The following KSR2 variants were observed in gnomAD, a reference collection of about 807,000 sequenced individuals.
KSR2 encodes the protein kinase suppressor of ras 2.
In KSR2, 25 loss-of-function variants were observed where a neutral mutation model predicts 107.8. That is an observed-to-expected ratio of 0.23 (90% confidence interval 0.17 to 0.32). KSR2 has a LOEUF of 0.32. KSR2 is among the 10% of genes least tolerant of loss of function. The probability of loss-of-function intolerance (pLI) is 1.00; values close to 1 mark genes in which losing one functional copy is unlikely to be tolerated. For synonymous variants in KSR2, 480 were observed against 507.0 expected (o/e 0.95, Z 0.71); for missense variants, 887 against 1,268.9 (o/e 0.70, Z 4.57).
chr12:117,840,803 C>T (rs1330655685), intron 3 of KSR2, among the ~76,000 whole-genome samples: 3 of 151,972 alleles, frequency 2.0e-5, no homozygotes, highest in Admixed American at 2.0e-4. Context: ...GAGTTTGAGA[C>T]CAACCTGGCC....
chr12:117,553,930 G>A (rs1047270446), intron 9 of KSR2, among the ~76,000 whole-genome samples: 1 of 151,400 alleles, frequency 6.6e-6, no homozygotes, highest in African/African-American at 2.4e-5. Flanking sequence ...TTTCCAACAT[G>A]AGTGGAAGCA....
intron 3 of KSR2, among the ~76,000 whole-genome samples, chr12:117,845,041 G>GAGGC: frequency 6.6e-6 from 1 of 152,306 alleles, no homozygotes. Flanking sequence ...AGCTACTTGG[G>GAGGC]AGGCTGAGGC....
Position 117,688,311 on chromosome 12 carries a change from C to T in KSR2, c.987-20653G>A, listed in dbSNP as rs372591155. Among the ~76,000 whole-genome samples the T allele has an allele frequency of 6.6e-5, 10 of 152,190 alleles. 1 individual carries two copies. In the East Asian group the frequency reaches 7.7e-4, roughly 12 times the overall value. On this transcript the variant is annotated intron_variant, in intron 4 of 19. Transcript: ENST00000339824. ...GGGAGAATCGCTTGAACCCGGGAGG[C>T]GGAGGTTGCAGTGAGCCATCACGCC...
At chr12:117,641,229 TG>T (rs1401572862) in intron 5 of KSR2, among the ~76,000 whole-genome samples, 1 of 152,182 alleles carries the variant, frequency 6.6e-6, no homozygotes, top group African/African-American at 2.4e-5. Flanking sequence ...CCCAAGTAGC[TG>T]GGATTACAGG....
rs140475281 is a variant in KSR2 at position 117,585,090 on chromosome 12, C to T, written c.1172-2731G>A. ...TGTGTGCGTGTGTGTGTGTTACCAGCATCTGGTGGGGAGAGAGCAGGGATA... is the reference window on the plus strand; with the variant it reads ...TGTGTGCGTGTGTGTGTGTTACCAGTATCTGGTGGGGAGAGAGCAGGGATA... On this transcript the variant is annotated intron_variant, in intron 5 of 19. Coordinates refer to ENST00000339824, the MANE Select transcript of KSR2 (RefSeq NM_173598.6). Among the ~76,000 whole-genome samples the T allele has an allele frequency of 1.2e-3, 176 of 152,220 alleles. 2 individuals carry two copies. In the South Asian group the frequency reaches 0.02, roughly 17 times the overall value.
At chr12:117,741,333 G>A (rs867108763) in intron 4 of KSR2, among the ~76,000 whole-genome samples, 35 of 150,402 alleles carry the variant, frequency 2.3e-4, no homozygotes, top group South Asian at 1.7e-3. Flanking sequence ...CCTGGGCAAC[G>A]TAGCAAGACC....
intron 4 of KSR2, among the ~76,000 whole-genome samples, chr12:117,698,921 T>C (rs1886186758): frequency 6.6e-6 from 1 of 152,196 alleles, no homozygotes; most frequent in Admixed American, 6.5e-5. Flanking sequence ...CCTGAAATCT[T>C]CCTGTAGAAA....
chr12:117,725,973 C>A (rs1484694149), intron 4 of KSR2, among the ~76,000 whole-genome samples: 1 of 151,988 alleles, frequency 6.6e-6, no homozygotes, highest in Non-Finnish European at 1.5e-5. Flanking sequence ...TCAAAACTAG[C>A]CTGCCCAACA....
At chr12:117,961,702 C>T (rs1446287378) in intron 1 of KSR2, among the ~76,000 whole-genome samples, 1 of 152,178 alleles carries the variant, frequency 6.6e-6, no homozygotes, top group Non-Finnish European at 1.5e-5. Context: ...TCAGGCAAGA[C>T]CAGCAGAACC....
chr12:117,920,052 C>T (rs1002452824), intron 1 of KSR2, among the ~76,000 whole-genome samples: 1 of 152,060 alleles, frequency 6.6e-6, no homozygotes, highest in Non-Finnish European at 1.5e-5. Context: ...TTAAAATCCA[C>T]AAAATTAAAG....
chr12:117,500,690 G>C (rs1322149949), intron 14 of KSR2, among the ~76,000 whole-genome samples: 1 of 152,228 alleles, frequency 6.6e-6, no homozygotes, highest in Non-Finnish European at 1.5e-5. Flanking sequence ...GATAAGCCTT[G>C]TACTCATTCT....
chr12:117,761,852 C>T (rs1480109834), intron 3 of KSR2, among the ~76,000 whole-genome samples: 1 of 152,152 alleles, frequency 6.6e-6, no homozygotes, highest in Non-Finnish European at 1.5e-5. Flanking sequence ...ATGCACATAT[C>T]ATATGCACAT....
chr12:117,483,252 C>T (rs1033221170), intron 16 of KSR2, among the ~76,000 whole-genome samples: 3 of 152,128 alleles, frequency 2.0e-5, no homozygotes, highest in African/African-American at 7.2e-5. Context: ...CCTCATCACA[C>T]AGAAACAGCT....
At chr12:117,829,759 T>C (rs1361071913) in intron 3 of KSR2, among the ~76,000 whole-genome samples, 2 of 152,212 alleles carry the variant, frequency 1.3e-5, no homozygotes, top group African/African-American at 4.8e-5. Context: ...AGACAATGCA[T>C]ACATGATTAG....
intron 16 of KSR2, among the ~76,000 whole-genome samples, chr12:117,481,979 T>C (rs563848114): frequency 1.3e-5 from 2 of 152,286 alleles, no homozygotes; most frequent in South Asian, 4.1e-4. Flanking sequence ...AGAGCTACAC[T>C]GGTGGTATTC....
chr12:117,656,847 G>C (rs1477517199), intron 5 of KSR2, among the ~76,000 whole-genome samples: 1 of 150,692 alleles, frequency 6.6e-6, no homozygotes, highest in Non-Finnish European at 1.5e-5. Context: ...TTGCTCCTCA[G>C]CTTGCAGACA....
At chr12:117,579,255 A>G in intron 6 of KSR2, 53 bp from the exon 7 acceptor site, 1 of 1,247,856 alleles carries the variant, frequency 8.0e-7, no homozygotes, top group Non-Finnish European at 1.2e-6. Flanking sequence ...CGACTGACCT[A>G]TCTCTAGAGG....
At chr12:117,725,484 G>A (rs1887389844) in intron 4 of KSR2, among the ~76,000 whole-genome samples, 1 of 152,094 alleles carries the variant, frequency 6.6e-6, no homozygotes. Flanking sequence ...ATATTCTTAT[G>A]GAAAATAAGG....
intron 9 of KSR2, among the ~76,000 whole-genome samples, chr12:117,551,805 C>T (rs16947717): frequency 0.022 from 3,315 of 152,256 alleles, 107 homozygotes; most frequent in African/African-American, 0.076. Context: ...ACCTTCATGT[C>T]AAAGCTGCTT....
Sources: allele counts gnomAD v4.1 joint callset (sites outside exome capture counted in the v4.1 genomes callset), GRCh38; gene constraint gnomAD v4.1.1; transcripts MANE v1.5; gene names NCBI Gene and HGNC (gene_info 2026-07-23, HGNC 2026-07-21).